DPYD: variants seen among roughly 807,000 people sequenced by gnomAD.
The protein encoded by DPYD is dihydropyrimidine dehydrogenase.
Under a neutral mutation model 116.2 loss-of-function variants are expected in DPYD, and 109 were observed. The ratio of observed to expected loss-of-function variants is 0.94; its 90% confidence interval spans 0.80 to 1.10. The LOEUF (loss-of-function observed/expected upper bound fraction) is 1.10, where lower values mean the gene tolerates loss of function less well. Ranked by LOEUF, DPYD falls within the 50% of genes least tolerant of loss-of-function variation. The pLI is 0.00. For synonymous variants in DPYD, 440 were observed against 432.0 expected (o/e 1.02, Z -0.23); for missense variants, 1,302 against 1,254.5 (o/e 1.04, Z -0.57).
intron 20 of DPYD, among the ~76,000 whole-genome samples, chr1:97,192,212 GT>G (rs1272544808): frequency 1.3e-5 from 2 of 151,996 alleles, no homozygotes; most frequent in African/African-American, 4.8e-5. Context: ...TTCTTTCTGA[GT>G]CCCTAACCCA....
intron 1 of DPYD, among the ~76,000 whole-genome samples, chr1:97,918,204 T>C (rs1018860636): frequency 1.3e-5 from 2 of 152,222 alleles, no homozygotes; most frequent in South Asian, 2.1e-4. Flanking sequence ...GTTATCTTTA[T>C]TTTTTAACAT....
intron 3 of DPYD, among the ~76,000 whole-genome samples, chr1:97,790,665 T>A (rs1021099620): frequency 6.6e-6 from 1 of 152,220 alleles, no homozygotes; most frequent in Non-Finnish European, 1.5e-5. Flanking sequence ...ACCATTTGGA[T>A]ATTATTTCTT....
At chr1:97,472,010 A>C (rs537084529) in intron 13 of DPYD, among the ~76,000 whole-genome samples, 1 of 152,362 alleles carries the variant, frequency 6.6e-6, no homozygotes, top group East Asian at 1.9e-4. Context: ...AGGTCATATG[A>C]GAAACAGTTA....
intron 1 of DPYD, among the ~76,000 whole-genome samples, chr1:97,916,545 T>A (rs894381935): frequency 3.3e-5 from 5 of 152,184 alleles, no homozygotes; most frequent in African/African-American, 1.2e-4. Context: ...TCTTCTAGAA[T>A]GTAACAAAGG....
At chr1:97,820,801 C>T (rs964334855) in intron 3 of DPYD, among the ~76,000 whole-genome samples, 1 of 152,116 alleles carries the variant, frequency 6.6e-6, no homozygotes, top group Non-Finnish European at 1.5e-5. Context: ...TGCCTAATGG[C>T]AATGTTGGCA....
At chr1:97,196,823 A>C in intron 19 of DPYD, among the ~76,000 whole-genome samples, 2 of 152,320 alleles carry the variant, frequency 1.3e-5, no homozygotes, top group East Asian at 3.9e-4. Context: ...AAAAACTTTT[A>C]ATATAACTAC....
At chr1:97,725,870 CG>C (rs1663228313) in intron 4 of DPYD, among the ~76,000 whole-genome samples, 1 of 151,046 alleles carries the variant, frequency 6.6e-6, no homozygotes, top group Non-Finnish European at 1.5e-5. Flanking sequence ...TTTTTTTTAG[CG>C]GTGATAAAAT....
At chr1:97,851,771 C>G (rs1009487208) in intron 2 of DPYD, among the ~76,000 whole-genome samples, 2 of 150,756 alleles carry the variant, frequency 1.3e-5, no homozygotes, top group African/African-American at 4.9e-5. Context: ...AGTTTTCTAT[C>G]AATTATAATG....
chr1:97,184,298 G>T (rs1657848174), intron 20 of DPYD, among the ~76,000 whole-genome samples: 1 of 152,056 alleles, frequency 6.6e-6, no homozygotes, highest in Non-Finnish European at 1.5e-5. Flanking sequence ...GGGATTGCTG[G>T]GTAGAATAGC....
At chr1:97,514,974 A>G (rs1648110406) in intron 13 of DPYD, among the ~76,000 whole-genome samples, 1 of 151,952 alleles carries the variant, frequency 6.6e-6, no homozygotes, top group African/African-American at 2.4e-5. Flanking sequence ...ATATACATTA[A>G]TTATTACTAA....
At chr1:97,790,238 C>T (rs1373684628) in intron 3 of DPYD, among the ~76,000 whole-genome samples, 1 of 152,148 alleles carries the variant, frequency 6.6e-6, no homozygotes, top group Non-Finnish European at 1.5e-5. Context: ...AGGTTCAAAA[C>T]GAATACTCTT....
At chr1:97,339,938 A>G (rs1010118923) in intron 16 of DPYD, among the ~76,000 whole-genome samples, 8 of 152,192 alleles carry the variant, frequency 5.3e-5, no homozygotes, top group Non-Finnish European at 1.0e-4. Context: ...CTAAAAAGGT[A>G]CAGGGAGTAG....
At chr1:97,094,750 G>A (rs1650122270) in intron 21 of DPYD, among the ~76,000 whole-genome samples, 2 of 152,182 alleles carry the variant, frequency 1.3e-5, no homozygotes, top group African/African-American at 2.4e-5. Context: ...TTGAGTCATT[G>A]TGTAGGAAAC....
chr1:97,683,369 GATGTT>G (rs1259500583), intron 7 of DPYD, among the ~76,000 whole-genome samples: 1 of 151,618 alleles, frequency 6.6e-6, no homozygotes, highest in Non-Finnish European at 1.5e-5. Flanking sequence ...GTGAAAACAA[GATGTT>G]ATAAGAGGTT....
chr1:97,901,825 T>C (rs1673383511), intron 1 of DPYD, among the ~76,000 whole-genome samples: 1 of 151,876 alleles, frequency 6.6e-6, no homozygotes, highest in Admixed American at 6.6e-5. Context: ...CTAAGATTTT[T>C]CTTTAATTGT....
intron 18 of DPYD, among the ~76,000 whole-genome samples, chr1:97,244,884 T>G (rs77934634): frequency 0.016 from 2,479 of 152,158 alleles, 53 homozygotes; most frequent in South Asian, 0.082. Flanking sequence ...TCTAACTCAG[T>G]TTCTTCCTTG....
chr1:97,380,029 G>A (rs1399723139), intron 15 of DPYD, among the ~76,000 whole-genome samples: 2 of 152,124 alleles, frequency 1.3e-5, no homozygotes. Flanking sequence ...TTTCTGCTCT[G>A]AGATTGTATA....
intron 20 of DPYD, among the ~76,000 whole-genome samples, chr1:97,135,324 C>T (rs1207931450): frequency 6.6e-6 from 1 of 152,190 alleles, no homozygotes. Flanking sequence ...CCAATATTTA[C>T]TGCCAGGAGC....
At chr1:97,397,474 G>C (rs930691812) in intron 14 of DPYD, among the ~76,000 whole-genome samples, 3 of 151,920 alleles carry the variant, frequency 2.0e-5, no homozygotes, top group Admixed American at 6.6e-5. Flanking sequence ...GTATCATACA[G>C]AGTATTTTCA....
Sources: allele counts gnomAD v4.1 joint callset (sites outside exome capture counted in the v4.1 genomes callset), GRCh38; gene constraint gnomAD v4.1.1; transcripts MANE v1.5; gene names NCBI Gene and HGNC (gene_info 2026-07-23, HGNC 2026-07-21).